The following ASTN1 variants were observed in gnomAD, a reference collection of about 807,000 sequenced individuals.
ASTN1 encodes astrotactin 1.
ASTN1 carries 41 observed loss-of-function variants against 140.7 expected under a neutral mutation model. The observed-to-expected ratio is 0.29, with a 90% CI of 0.23 to 0.38. The LOEUF is 0.38. Ranked by LOEUF, ASTN1 falls within the 10% of genes least tolerant of loss-of-function variation. ASTN1 has a pLI of 1.00. For missense variants in ASTN1, 1,479 were observed against 1,678.8 expected (o/e 0.88, Z 2.08); for synonymous variants, 640 against 652.2 (o/e 0.98, Z 0.29).
intron 18 of ASTN1, 108 bp downstream of exon 18, chr1:176,887,963 G>A: frequency 1.4e-6 from 2 of 1,463,000 alleles, no homozygotes; most frequent in Non-Finnish European, 1.9e-6. Flanking sequence ...GGCAGGTATT[G>A]TGTCATATTT....
intron 5 of ASTN1, among the ~76,000 whole-genome samples, chr1:177,028,175 C>T (rs150198438): frequency 2.6e-5 from 4 of 152,166 alleles, no homozygotes; most frequent in African/African-American, 7.2e-5. Flanking sequence ...TTCATGCTGT[C>T]GAGAAACTAA....
intron 17 of ASTN1, among the ~76,000 whole-genome samples, chr1:176,891,820 C>CAA (rs1303525186): frequency 6.6e-6 from 1 of 151,946 alleles, no homozygotes; most frequent in East Asian, 1.9e-4. Flanking sequence ...AAAACAAAAA[C>CAA]AAACAACAAA....
At chr1:177,106,539 C>T (rs1046373712) in intron 1 of ASTN1, among the ~76,000 whole-genome samples, 3 of 152,196 alleles carry the variant, frequency 2.0e-5, no homozygotes, top group Non-Finnish European at 2.9e-5. Flanking sequence ...TAAGCCTCTG[C>T]TAAACTGGTC....
At chr1:176,887,557 A>G (rs1669078955) in intron 18 of ASTN1, among the ~76,000 whole-genome samples, 1 of 151,982 alleles carries the variant, frequency 6.6e-6, no homozygotes, top group Admixed American at 6.6e-5. Context: ...CTGCTCTACC[A>G]CTTTGGAAAA....
At chr1:177,065,314 C>T (rs531393587) in intron 1 of ASTN1, among the ~76,000 whole-genome samples, 1 of 152,254 alleles carries the variant, frequency 6.6e-6, no homozygotes, top group South Asian at 2.1e-4. Context: ...CTCAGCACCC[C>T]CTAAATGTCT....
intron 2 of ASTN1, among the ~76,000 whole-genome samples, chr1:177,041,471 A>T (rs1433007044): frequency 6.6e-6 from 1 of 152,236 alleles, no homozygotes; most frequent in Non-Finnish European, 1.5e-5. Flanking sequence ...TCATGGGCAG[A>T]GCTGCATGAG....
chr1:176,861,639 G>GT lies in ASTN1; in HGVS notation c.*2644dup, dbSNP rs1667965482. The GT allele has an allele frequency of 2.0e-6, 2 of 985,346 alleles. No homozygotes were observed. The highest frequency in any genetic ancestry group is 9.4e-5 in the South Asian group (2 of 21,284). The allele number at this position is 985,346 out of a possible 1,614,324, so 61.0% of individuals were successfully genotyped here. ...TCATATCAGCCTTTTTAACTTGAATGTAAGTAGGAGCCAGTCATAGGAGTT... is the reference window on the plus strand; with the variant it reads ...TCATATCAGCCTTTTTAACTTGAATGTTAAGTAGGAGCCAGTCATAGGAGTT... On this transcript the variant is annotated 3_prime_UTR_variant, in exon 23 of 23. Coordinates refer to ENST00000361833, the MANE Select transcript of ASTN1 (RefSeq NM_004319.3).
At chr1:177,109,213 C>A (rs1680695683) in intron 1 of ASTN1, among the ~76,000 whole-genome samples, 1 of 151,782 alleles carries the variant, frequency 6.6e-6, no homozygotes, top group South Asian at 2.1e-4. Context: ...ATACGGTATA[C>A]CAAAATTAAA....
At chr1:176,938,329 G>C (rs1671537535) in intron 14 of ASTN1, among the ~76,000 whole-genome samples, 2 of 152,182 alleles carry the variant, frequency 1.3e-5, no homozygotes, top group South Asian at 2.1e-4. Context: ...GTATTGTCTA[G>C]TTAGGTCAGC....
At chr1:177,084,421 T>C (rs956332334) in intron 1 of ASTN1, among the ~76,000 whole-genome samples, 42 of 152,128 alleles carry the variant, frequency 2.8e-4, no homozygotes, top group Admixed American at 2.7e-3. Flanking sequence ...AGAGAAAATC[T>C]CCAGAGTGGA....
chr1:176,899,883 A>G (rs12077914), intron 16 of ASTN1, among the ~76,000 whole-genome samples: 7,090 of 152,264 alleles, frequency 0.047, 180 homozygotes, highest in African/African-American at 0.074. Flanking sequence ...AACACAATGC[A>G]ATGGATTAAT....
chr1:176,857,898 G>A (rs1052062684), downstream of ASTN1, among the ~76,000 whole-genome samples: 3 of 152,190 alleles, frequency 2.0e-5, no homozygotes, highest in Non-Finnish European at 2.9e-5. Flanking sequence ...GGCGTGAGTC[G>A]GTTTCATCTC....
At chr1:176,889,658 T>C (rs1266432665) in intron 17 of ASTN1, among the ~76,000 whole-genome samples, 1 of 152,180 alleles carries the variant, frequency 6.6e-6, no homozygotes, top group Non-Finnish European at 1.5e-5. Flanking sequence ...CGGAAGCCTC[T>C]AGGAAACAGA....
rs147765388 is a variant in ASTN1 at position 176,872,166 on chromosome 1, A to C, written c.3464-3139T>G. 6.6e-5 allele frequency among the ~76,000 whole-genome samples: 10 copies of C among 152,030 alleles called. No homozygotes were observed. In the East Asian group the frequency reaches 1.5e-3, roughly 23 times the overall value. ...ATACATACCCTCCAAGATTCTTGTGAGAATAAAAGCTATATTAAATGTCAA... is the reference window on the plus strand; with the variant it reads ...ATACATACCCTCCAAGATTCTTGTGCGAATAAAAGCTATATTAAATGTCAA... On this transcript the variant is annotated intron_variant, in intron 21 of 22. Transcript: ENST00000361833.
chr1:176,890,893 G>C (rs1335646643), intron 17 of ASTN1, among the ~76,000 whole-genome samples: 1 of 152,136 alleles, frequency 6.6e-6, no homozygotes, highest in African/African-American at 2.4e-5. Context: ...TGGCCATGGT[G>C]GCGGGCGCCT....
At chr1:177,126,003 T>A (rs1681627993) in intron 1 of ASTN1, among the ~76,000 whole-genome samples, 1 of 152,220 alleles carries the variant, frequency 6.6e-6, no homozygotes, top group African/African-American at 2.4e-5. Flanking sequence ...CTATATCCAT[T>A]TAATTAGGAC....
intron 7 of ASTN1, among the ~76,000 whole-genome samples, chr1:177,020,180 G>C (rs1164425552): frequency 2.0e-5 from 3 of 152,136 alleles, no homozygotes; most frequent in African/African-American, 4.8e-5. Context: ...GAGCTGCCAC[G>C]CCTGGCCTAT....
At chr1:177,159,093 ATTT>A (rs1219816373) in intron 1 of ASTN1, among the ~76,000 whole-genome samples, 2 of 151,642 alleles carry the variant, frequency 1.3e-5, no homozygotes, top group Non-Finnish European at 2.9e-5. Context: ...AAAAATTAAA[ATTT>A]TATTTTTTCT....
intron 1 of ASTN1, among the ~76,000 whole-genome samples, chr1:177,090,763 AT>A (rs1463403670): frequency 6.6e-6 from 1 of 152,014 alleles, no homozygotes; most frequent in Non-Finnish European, 1.5e-5. Context: ...TGTTCTACTC[AT>A]TTTTCCTTTC....
Sources: allele counts gnomAD v4.1 joint callset (sites outside exome capture counted in the v4.1 genomes callset), GRCh38; gene constraint gnomAD v4.1.1; transcripts MANE v1.5; gene names NCBI Gene and HGNC (gene_info 2026-07-23, HGNC 2026-07-21).